Variants in KMT2C observed in about 807,000 individuals in gnomAD.
The protein encoded by KMT2C is lysine methyltransferase 2C.
KMT2C carries 88 observed loss-of-function variants against 507.9 expected under a neutral mutation model. The ratio of observed to expected loss-of-function variants is 0.17; its 90% CI spans 0.15 to 0.21. The LOEUF (loss-of-function observed/expected upper bound fraction) is 0.21, where lower values mean the gene tolerates loss of function less well. KMT2C is among the 10% of genes least tolerant of loss of function. The pLI is 1.00. For missense variants in KMT2C, 4,954 were observed against 5,957.8 expected (o/e 0.83, Z 5.55); for synonymous variants, 2,049 against 2,080.8 (o/e 0.98, Z 0.42).
intron 15 of KMT2C, among the ~76,000 whole-genome samples, 184 bp downstream of exon 15, chr7:152,238,523 G>A (rs538365836): frequency 1.8e-3 from 280 of 152,328 alleles, no homozygotes; most frequent in African/African-American, 6.6e-3. Context: ...ATAAAAAGAG[G>A]TATTAAAAAT....
chr7:152,187,254 T>G lies in KMT2C; in HGVS notation c.5008+8A>C. 6.2e-7 allele frequency: 1 copy of G among 1,607,846 alleles called. No individual in the cohort carries two copies. Among genetic ancestry groups the G allele is most frequent in the Non-Finnish European group, 8.5e-7 (1 of 1,174,276 alleles). ...TGGTAAAACAGAAATAATATATTCA[T>G]GGCTTACCAGGGAATTCTTCCTTTA... On this transcript the variant is annotated splice_region_variant and intron_variant, in intron 33 of 58. Transcript: ENST00000262189.
intron 26 of KMT2C, 141 bp from the exon 27 acceptor site, chr7:152,199,600 T>A (rs2094071926): frequency 2.3e-6 from 1 of 434,462 alleles, no homozygotes. Flanking sequence ...TACAGAAGTA[T>A]TAAAAAATAG....
At chr7:152,251,848 C>T (rs2095567427) in intron 11 of KMT2C, 91 bp downstream of exon 11, 1 of 802,664 alleles carries the variant, frequency 1.2e-6, no homozygotes, top group African/African-American at 1.8e-5. Context: ...ATACAGGATC[C>T]TCTCTTCCTG....
intron 43 of KMT2C, among the ~76,000 whole-genome samples, chr7:152,160,448 C>T (rs1239878658): frequency 1.3e-5 from 2 of 152,052 alleles, no homozygotes; most frequent in African/African-American, 4.8e-5. Flanking sequence ...AGCAGTACTT[C>T]TCCCCTTCAG....
Position 152,139,095 on chromosome 7 carries a change from G to A in KMT2C, c.14534+91C>T, listed in dbSNP as rs560635136. The A allele has an allele frequency of 3.3e-5, 42 of 1,268,562 alleles. No homozygotes were observed. The African/African-American group carries it at 3.7e-4, about 11-fold the overall frequency. The allele number at this position is 1,268,562 out of a possible 1,614,324, so 78.6% of individuals were successfully genotyped here. ...AATGTTTAGTCACCGCCAGGCTGCC[G>A]TGAGAGCCTTTCCCTTGGCTTCAGT... On this transcript the variant is annotated intron_variant, in intron 57 of 58. Transcript: ENST00000262189.
chr7:152,343,158 T>C (rs1346826160), intron 2 of KMT2C, among the ~76,000 whole-genome samples: 3 of 152,142 alleles, frequency 2.0e-5, no homozygotes, highest in African/African-American at 7.2e-5. Flanking sequence ...TAGACTTGGA[T>C]GCAGGAAGGA....
intron 55 of KMT2C, among the ~76,000 whole-genome samples, chr7:152,141,547 T>TAAA (rs201057479): frequency 7.7e-6 from 1 of 130,374 alleles, no homozygotes; most frequent in Admixed American, 7.8e-5. Flanking sequence ...CATCTCTACT[T>TAAA]AAAAAAAAAA....
chr7:152,182,932 A>G, intron 35 of KMT2C, 42 bp downstream of exon 35: 1 of 1,470,758 alleles, frequency 6.8e-7, no homozygotes, highest in Non-Finnish European at 9.1e-7. Flanking sequence ...TCTCAAAACA[A>G]AAATGCAACT....
In KMT2C at chr7:152,177,334, C is replaced by A. The variant is rs2129114633; in HGVS notation, c.8119G>T (p.Val2707Phe). 1 of 1,614,182 alleles carries A rather than the reference C, an allele frequency of 6.2e-7. No homozygotes were observed. Among genetic ancestry groups the A allele is most frequent in the African/African-American group, 1.3e-5 (1 of 75,068 alleles). ...TCATCATCTAAGTCTTTGACTTCAA[C>A]CCCCTCAAGGTCTTTAACATCCAGT... is the stretch of plus-strand genomic sequence containing the variant. ...KELDVKDLEGVEVKDLDDEDL... is the reference protein window; with the variant it reads ...KELDVKDLEGFEVKDLDDEDL... The change falls in exon 38 of 59, where the codon GTT (valine) becomes TTT (phenylalanine). Residue 2707 changes from valine (V) to phenylalanine (F), a missense_variant. By Grantham distance (50) the Val-to-Phe change is conservative. Coordinates refer to ENST00000262189, the MANE Select transcript of KMT2C (RefSeq NM_170606.3).
Position 152,238,829 on chromosome 7 carries a change from A to G in KMT2C, c.2533-3T>C. ...GTATTATGGGTACTCCAAGCCCCCT[A>G]GGATATGGCAGTTGAGAAAATAGAT... is the stretch of plus-strand genomic sequence containing the variant. On this transcript the variant is annotated splice_region_variant and splice_polypyrimidine_tract_variant and intron_variant, in intron 14 of 58. Transcript: ENST00000262189. The G allele has an allele frequency of 6.3e-7, 1 of 1,588,906 alleles. No individual in the cohort carries two copies.
chr7:152,261,943 C>T (rs2095787459), intron 9 of KMT2C, among the ~76,000 whole-genome samples: 1 of 152,164 alleles, frequency 6.6e-6, no homozygotes, highest in South Asian at 2.1e-4. Context: ...GTAGCCACAG[C>T]TGAGCACAGT....
intron 23 of KMT2C, among the ~76,000 whole-genome samples, chr7:152,215,513 CAAAAAAAAAA>C (rs35751147): frequency 4.9e-3 from 126 of 25,972 alleles, no homozygotes; most frequent in Non-Finnish European, 8.2e-3. Context: ...GACTCTGTCT[CAAAAAAAAAA>C]AAAAAAAAAA....
At chr7:152,416,533 A>G (rs2097737766) in intron 1 of KMT2C, among the ~76,000 whole-genome samples, 1 of 151,360 alleles carries the variant, frequency 6.6e-6, no homozygotes, top group Non-Finnish European at 1.5e-5. Flanking sequence ...TGGGCGACAG[A>G]GCAAGACTCA....
chr7:152,182,786 T>C (rs1473217577), intron 35 of KMT2C, among the ~76,000 whole-genome samples, 188 bp downstream of exon 35: 1 of 152,192 alleles, frequency 6.6e-6, no homozygotes, highest in Admixed American at 6.5e-5. Flanking sequence ...TAGGGCAGTA[T>C]ATTGTTTATA....
intron 1 of KMT2C, among the ~76,000 whole-genome samples, chr7:152,372,214 G>A (rs1192090337): frequency 1.3e-5 from 2 of 152,130 alleles, no homozygotes; most frequent in African/African-American, 4.8e-5. Flanking sequence ...GGACTGCGAT[G>A]GTGTGATCTC....
chr7:152,253,514 C>CA (rs71198770), intron 9 of KMT2C, among the ~76,000 whole-genome samples: 10,477 of 39,482 alleles, frequency 0.27, 1,748 homozygotes, highest in Non-Finnish European at 0.31. Flanking sequence ...TCTTTCTCTA[C>CA]AAAAAAAAAA....
intron 9 of KMT2C, among the ~76,000 whole-genome samples, chr7:152,253,718 G>A (rs190569431): frequency 2.6e-5 from 4 of 151,756 alleles, no homozygotes; most frequent in African/African-American, 7.3e-5. Flanking sequence ...CACGGTCAAC[G>A]CCATGTGACT....
intron 7 of KMT2C, among the ~76,000 whole-genome samples, chr7:152,267,739 C>T (rs1307690894): frequency 6.6e-6 from 1 of 152,166 alleles, no homozygotes; most frequent in South Asian, 2.1e-4. Flanking sequence ...TTGTTAACCT[C>T]TGTATAAATT....
intron 9 of KMT2C, among the ~76,000 whole-genome samples, chr7:152,255,108 C>CA (rs1563604521): frequency 0.055 from 3,305 of 60,386 alleles, 141 homozygotes; most frequent in Middle Eastern, 0.09. Context: ...TCAACTCTCA[C>CA]TTATATATAT....
Sources: gnomAD v4.1 joint callset for allele counts (sites outside exome capture counted in the v4.1 genomes callset) on GRCh38, gnomAD v4.1.1 for gene constraint, MANE v1.5 for transcripts, NCBI Gene and HGNC (gene_info 2026-07-23, HGNC 2026-07-21) for gene names.